The following DESI2 variants were observed in gnomAD, a reference collection of about 807,000 sequenced individuals.
DESI2 encodes desumoylating isopeptidase 2, also known as deubiquitinase DESI2.
A neutral mutation model predicts 24.1 loss-of-function variants in DESI2; 10 were observed. That is an observed-to-expected ratio of 0.41 (90% CI 0.26 to 0.70). DESI2 has a LOEUF of 0.70. Ranked by LOEUF, DESI2 falls within the 30% of genes least tolerant of loss-of-function variation. DESI2 has a pLI of 0.29. For missense variants in DESI2, 122 were observed against 234.9 expected, an observed-to-expected ratio of 0.52 and a Z score of 3.14; for synonymous variants, 71 against 87.7, an observed-to-expected ratio of 0.81 and a Z score of 1.06.
At chr1:244,677,991 A>C (rs1676473800) in intron 1 of DESI2, among the ~76,000 whole-genome samples, 1 of 152,204 alleles carries the variant, frequency 6.6e-6, no homozygotes, top group Admixed American at 6.5e-5. Context: ...AATACTGTCC[A>C]AAGGAATATA....
chr1:244,675,174 TC>T (rs369772940), intron 1 of DESI2, among the ~76,000 whole-genome samples: 172 of 152,306 alleles, frequency 1.1e-3, no homozygotes, highest in African/African-American at 3.9e-3. Flanking sequence ...TTCTAAGAGT[TC>T]TTATATGTAT....
chr1:244,679,756 CCT>C (rs1676538691), intron 1 of DESI2, among the ~76,000 whole-genome samples: 1 of 151,376 alleles, frequency 6.6e-6, no homozygotes, highest in African/African-American at 2.4e-5. Flanking sequence ...CTGTAATCCC[CCT>C]TGCATGGCTG....
At chr1:244,665,177 T>A (rs1054374582) in intron 1 of DESI2, among the ~76,000 whole-genome samples, 1 of 152,214 alleles carries the variant, frequency 6.6e-6, no homozygotes, top group African/African-American at 2.4e-5. Flanking sequence ...TTTTTTTTTT[T>A]TAGTGTTTTC....
intron 1 of DESI2, among the ~76,000 whole-genome samples, chr1:244,669,628 A>C (rs1044782315): frequency 1.1e-4 from 16 of 152,236 alleles, no homozygotes; most frequent in Non-Finnish European, 1.3e-4. Flanking sequence ...CGGTGAGCCA[A>C]GATCGCACCA....
chr1:244,705,116 AAG>A (rs1206313128), intron 4 of DESI2, among the ~76,000 whole-genome samples: 1 of 152,172 alleles, frequency 6.6e-6, no homozygotes, highest in Non-Finnish European at 1.5e-5. Flanking sequence ...GAAAGTCAAA[AAG>A]AATCTGTGAA....
At chr1:244,657,208 G>C (rs1219638438) in intron 1 of DESI2, among the ~76,000 whole-genome samples, 2 of 152,200 alleles carry the variant, frequency 1.3e-5, no homozygotes, top group Non-Finnish European at 2.9e-5. Flanking sequence ...GTCTCCATTA[G>C]ACTCCTCCAA....
chr1:244,676,807 A>G (rs943286932), intron 1 of DESI2, among the ~76,000 whole-genome samples: 5 of 147,218 alleles, frequency 3.4e-5, no homozygotes, highest in Non-Finnish European at 7.4e-5. Flanking sequence ...TATATATTAT[A>G]TATATTTTAT....
At chr1:244,687,881 T>C (rs1197273456) in intron 2 of DESI2, among the ~76,000 whole-genome samples, 1 of 152,236 alleles carries the variant, frequency 6.6e-6, no homozygotes, top group Non-Finnish European at 1.5e-5. Flanking sequence ...ATTTGTGTGA[T>C]GTGTTACTGT....
At chr1:244,691,854 CTTTT>C in intron 3 of DESI2, 21 bp from the exon 4 acceptor site, 1 of 1,527,502 alleles carries the variant, frequency 6.5e-7, no homozygotes, top group South Asian at 1.3e-5. Context: ...TTTTCTTTCT[CTTTT>C]TTTTCTTTTT....
At chr1:244,691,403 T>A (rs1213472723) in intron 3 of DESI2, among the ~76,000 whole-genome samples, 1 of 152,194 alleles carries the variant, frequency 6.6e-6, no homozygotes, top group Admixed American at 6.5e-5. Context: ...TCCTTCTTTT[T>A]AAAAAACGTT....
intron 4 of DESI2, among the ~76,000 whole-genome samples, chr1:244,699,996 C>T (rs1677382384): frequency 6.6e-6 from 1 of 152,188 alleles, no homozygotes; most frequent in Non-Finnish European, 1.5e-5. Context: ...GGCTGATAAC[C>T]TGATGTCATG....
chr1:244,686,260 GTGTGTA>G (rs1005367806), intron 1 of DESI2, among the ~76,000 whole-genome samples: 60 of 149,404 alleles, frequency 4.0e-4, no homozygotes, highest in East Asian at 2.9e-3. Flanking sequence ...CTGTGTGTGT[GTGTGTA>G]TGTGTGTGTG....
chr1:244,653,954 A>C, intron 1 of DESI2: 1 of 471,228 alleles, frequency 2.1e-6, no homozygotes, highest in Non-Finnish European at 4.4e-6. Flanking sequence ...ATTTCTCAAG[A>C]AAATAGCCCA....
At chr1:244,683,711 G>C (rs2806617) in intron 1 of DESI2, among the ~76,000 whole-genome samples, 149,010 of 151,932 alleles carry the variant, frequency 0.98, 73,142 homozygotes, top group East Asian at 1. Flanking sequence ...CATCACACCT[G>C]CCCCAACACT....
chr1:244,702,134 C>T (rs1354246159), intron 4 of DESI2, among the ~76,000 whole-genome samples: 2 of 152,200 alleles, frequency 1.3e-5, no homozygotes, highest in African/African-American at 4.8e-5. Flanking sequence ...GTCATGGTTA[C>T]CTCGCTACCT....
At chr1:244,669,228 C>T (rs1488258885) in intron 1 of DESI2, among the ~76,000 whole-genome samples, 3 of 152,074 alleles carry the variant, frequency 2.0e-5, no homozygotes, top group Non-Finnish European at 2.9e-5. Flanking sequence ...AACTCCTGGG[C>T]TTAAGTGATT....
Position 244,689,166 on chromosome 1 carries a change from ATC to A in DESI2, c.116-82_116-81del. ...AAAATATTTAGATGGTGTCACTGTT[ATC>A]CTCAATTATTAAAGCTAATTCAGCA... On this transcript the variant is annotated intron_variant, in intron 2 of 4. Coordinates refer to ENST00000302550, the MANE Select transcript of DESI2 (RefSeq NM_016076.5). This position sits in a 1 kb window ranked among gnomAD's most constrained non-coding sequence, Gnocchi z 4.0. The A allele has an allele frequency of 1.3e-6, 1 of 742,658 alleles. No individual in the cohort carries two copies. Among genetic ancestry groups the A allele is most frequent in the South Asian group, 1.6e-5 (1 of 62,354 alleles). 46.0% of individuals were successfully genotyped at this position (742,658 alleles called of 1,614,324 possible).
chr1:244,704,064 T>A lies in DESI2; in HGVS notation c.352-1492T>A, dbSNP rs538372259. Among the ~76,000 whole-genome samples the A allele has an allele frequency of 3.9e-5, 6 of 152,346 alleles. No individual in the cohort carries two copies. In the South Asian group the frequency reaches 1.2e-3, roughly 32 times the overall value. ...CTACCTTCCCTCAAGTGAGACCATCTGACTTTCCCTATAGTTAAGATAGAG... is the reference window on the plus strand; with the variant it reads ...CTACCTTCCCTCAAGTGAGACCATCAGACTTTCCCTATAGTTAAGATAGAG... On this transcript the variant is annotated intron_variant, in intron 4 of 4. Coordinates refer to ENST00000302550, the MANE Select transcript of DESI2 (RefSeq NM_016076.5).
intron 4 of DESI2, among the ~76,000 whole-genome samples, chr1:244,701,086 T>C (rs1677432972): frequency 1.3e-5 from 2 of 151,898 alleles, no homozygotes; most frequent in African/African-American, 4.8e-5. Context: ...CAAGAAGGAA[T>C]CAACATTTAA....
Sources: allele counts gnomAD v4.1 joint callset (sites outside exome capture counted in the v4.1 genomes callset), GRCh38; gene constraint gnomAD v4.1.1; non-coding constraint Gnocchi (gnomAD v3.1); transcripts MANE v1.5; gene names NCBI Gene and HGNC (gene_info 2026-07-23, HGNC 2026-07-21).